TPX2: variants seen among roughly 807,000 people sequenced by gnomAD.
TPX2 encodes the protein targeting protein for Xklp2.
Under a neutral mutation model 93.6 loss-of-function variants are expected in TPX2, and 21 were observed. The observed-to-expected ratio is 0.22, with a 90% confidence interval of 0.16 to 0.32. The LOEUF is 0.32. TPX2 is among the 10% of genes least tolerant of loss of function. TPX2 has a pLI of 1.00. For missense variants in TPX2, 776 were observed against 871.1 expected (o/e 0.89, Z 1.37); for synonymous variants, 281 against 298.3 (o/e 0.94, Z 0.60).
chr20:31,779,158 C>CT (rs2123049061), intron 10 of TPX2, among the ~76,000 whole-genome samples, 174 bp downstream of exon 10: 1 of 152,340 alleles, frequency 6.6e-6, no homozygotes, highest in African/African-American at 2.4e-5. Context: ...ACCCAGCTGT[C>CT]TGTCTTATAC....
chr20:31,789,187 G>T (rs2123076355), intron 12 of TPX2, among the ~76,000 whole-genome samples: 1 of 152,218 alleles, frequency 6.6e-6, no homozygotes, highest in South Asian at 2.1e-4. Context: ...TGAAAATTTG[G>T]AAGTATTTAA....
chr20:31,783,226 CTTCTTTT>C (rs1018519185), intron 11 of TPX2, among the ~76,000 whole-genome samples: 11 of 151,706 alleles, frequency 7.3e-5, no homozygotes, highest in African/African-American at 2.7e-4. Flanking sequence ...TTTATTCTTT[CTTCTTTT>C]ATTCTTTTAT....
intron 15 of TPX2, among the ~76,000 whole-genome samples, chr20:31,796,707 T>G (rs2062140832): frequency 6.6e-6 from 1 of 151,426 alleles, no homozygotes; most frequent in Admixed American, 6.6e-5. Context: ...TGGTTAGATT[T>G]TTTTTTTTTT....
chr20:31,769,200 T>TATA (rs2061947972), intron 5 of TPX2, among the ~76,000 whole-genome samples: 1 of 142,708 alleles, frequency 7.0e-6, no homozygotes. Context: ...AAACTTAAAG[T>TATA]ATAATAATAA....
intron 17 of TPX2, among the ~76,000 whole-genome samples, chr20:31,799,823 C>G (rs2123106014): frequency 6.8e-6 from 1 of 147,492 alleles, no homozygotes; most frequent in East Asian, 2.0e-4. Flanking sequence ...TTGCTTGAAC[C>G]TGGGAGGCCC....
At chr20:31,741,247 A>G (rs1568917188) in intron 1 of TPX2, among the ~76,000 whole-genome samples, 1 of 150,868 alleles carries the variant, frequency 6.6e-6, no homozygotes, top group Non-Finnish European at 1.5e-5. Context: ...GACATACTTA[A>G]TTTTCTTTGC....
Position 31,743,488 on chromosome 20 carries a change from C to T in TPX2, c.-71+841C>T, listed in dbSNP as rs190879328. ...ATTGCTTGAGGCCAGGAGTTCGCGACCAGCCTGGGCAACATAGTGGCACCG... is the reference window on the plus strand; with the variant it reads ...ATTGCTTGAGGCCAGGAGTTCGCGATCAGCCTGGGCAACATAGTGGCACCG... On this transcript the variant is annotated intron_variant, in intron 2 of 17. Coordinates refer to ENST00000300403, the MANE Select transcript of TPX2 (RefSeq NM_012112.5). Among the ~76,000 whole-genome samples the T allele has an allele frequency of 1.4e-3, 217 of 152,166 alleles. 3 individuals are homozygous for T. Among genetic ancestry groups the T allele is most frequent in the East Asian group, 8.3e-3 (43 of 5,180 alleles).
intron 15 of TPX2, 44 bp downstream of exon 15, chr20:31,794,592 G>A: frequency 3.1e-6 from 5 of 1,604,244 alleles, no homozygotes; most frequent in Non-Finnish European, 4.3e-6. Context: ...TGCTTGGTTG[G>A]TTGATTGTAC....
intron 8 of TPX2, among the ~76,000 whole-genome samples, chr20:31,776,271 G>A (rs551224149): frequency 6.6e-6 from 1 of 150,972 alleles, no homozygotes; most frequent in Non-Finnish European, 1.5e-5. Flanking sequence ...TAGTAGAGAC[G>A]GGGTTTCACC....
At chr20:31,772,002 C>A (rs928792687) in intron 7 of TPX2, among the ~76,000 whole-genome samples, 1 of 149,718 alleles carries the variant, frequency 6.7e-6, no homozygotes, top group African/African-American at 2.5e-5. Flanking sequence ...TAGGCATGCA[C>A]TATCATGCCT....
chr20:31,756,451 C>T (rs2061852698), intron 2 of TPX2, among the ~76,000 whole-genome samples: 1 of 151,892 alleles, frequency 6.6e-6, no homozygotes, highest in Admixed American at 6.6e-5. Context: ...TTGGGTTATT[C>T]AGGGCAGAGA....
At chr20:31,795,627 A>G (rs1020221669) in intron 15 of TPX2, among the ~76,000 whole-genome samples, 1 of 152,242 alleles carries the variant, frequency 6.6e-6, no homozygotes, top group African/African-American at 2.4e-5. Context: ...AGTTTCTTTA[A>G]GATCTTATCT....
chr20:31,743,726 G>GT (rs557157321), intron 2 of TPX2, among the ~76,000 whole-genome samples: 51,808 of 134,546 alleles, frequency 0.39, 11,905 homozygotes, highest in African/African-American at 0.64. Context: ...TACAGATGCA[G>GT]TTTTTTTTTT....
chr20:31,761,711 T>C (rs1024231226), intron 4 of TPX2, among the ~76,000 whole-genome samples: 2 of 152,170 alleles, frequency 1.3e-5, no homozygotes, highest in African/African-American at 4.8e-5. Flanking sequence ...GTAATAAACA[T>C]AGGAGTGCAC....
At chr20:31,780,513 C>A (rs1350560418) in intron 10 of TPX2, among the ~76,000 whole-genome samples, 4 of 152,026 alleles carry the variant, frequency 2.6e-5, no homozygotes, top group Non-Finnish European at 5.9e-5. Flanking sequence ...TCTGATATGT[C>A]CTGCTTTCAG....
Position 31,777,572 on chromosome 20 carries a change from T to A in TPX2, c.816T>A (p.Pro272=), listed in dbSNP as rs751035535. 2.5e-6 allele frequency: 4 copies of A among 1,614,154 alleles called. No homozygotes were observed. Among genetic ancestry groups the A allele is most frequent in the Non-Finnish European group, 3.4e-6 (4 of 1,180,018 alleles). The change falls in exon 9 of 18, where the codon CCT becomes CCA. Residue 272 remains proline, a synonymous_variant. Transcript: ENST00000300403. The stretch of plus-strand genomic sequence containing the variant: ...CAGATGAGCGAATCAAACAACATCC[T>A]AAGAACCAGGAGGAATATAAGGAAG... The part of the protein sequence containing the change: ...FRTDERIKQH[P]KNQEEYKEVN...
At chr20:31,747,998 T>G (rs1438802954) in intron 2 of TPX2, among the ~76,000 whole-genome samples, 1 of 152,092 alleles carries the variant, frequency 6.6e-6, no homozygotes, top group East Asian at 1.9e-4. Flanking sequence ...GAAACCGAAA[T>G]TACCCAGTAG....
chr20:31,750,955 T>TA (rs564868162), intron 2 of TPX2, among the ~76,000 whole-genome samples: 106 of 152,206 alleles, frequency 7.0e-4, no homozygotes, highest in African/African-American at 2.3e-3. Flanking sequence ...TTGCCCACGT[T>TA]AGAGTGCAGT....
intron 11 of TPX2, among the ~76,000 whole-genome samples, chr20:31,783,259 TA>T (rs1182868092): frequency 1.6e-4 from 25 of 151,954 alleles, no homozygotes; most frequent in African/African-American, 6.1e-4. Context: ...TTTATTTATT[TA>T]TTTTTTTTGA....
Sources: allele counts gnomAD v4.1 joint callset (sites outside exome capture counted in the v4.1 genomes callset), GRCh38; gene constraint gnomAD v4.1.1; transcripts MANE v1.5; gene names NCBI Gene and HGNC (gene_info 2026-07-23, HGNC 2026-07-21).